DPEP2: variants seen among roughly 807,000 people sequenced by gnomAD.
DPEP2 encodes the protein dipeptidase 2.
DPEP2 carries 45 observed loss-of-function variants against 51.8 expected under a neutral mutation model. The observed-to-expected ratio is 0.87, with a 90% confidence interval of 0.68 to 1.11. The LOEUF is 1.11. Ranked by LOEUF, DPEP2 falls within the 50% of genes most tolerant of loss-of-function variation. The pLI is 0.00. For missense variants in DPEP2, 604 were observed against 631.9 expected (o/e 0.96, Z 0.47); for synonymous variants, 255 against 262.7 (o/e 0.97, Z 0.28).
At chr16:67,992,426 A>G (rs555970931) in intron 3 of DPEP2, 84 bp downstream of exon 3, 1 of 1,535,688 alleles carries the variant, frequency 6.5e-7, no homozygotes, top group African/African-American at 1.4e-5. Flanking sequence ...TTCTCATGTG[A>G]CTAACTTGTG....
At chr16:68,000,593 C>A, upstream of DPEP2, 1 of 755,458 alleles carries the variant, frequency 1.3e-6, no homozygotes, top group Non-Finnish European at 1.6e-6. Flanking sequence ...GTCTTCCAAG[C>A]CAGAAAGCAG....
At chr16:67,994,037 CGCA>C (rs1160856133) in intron 1 of DPEP2, 1 of 985,382 alleles carries the variant, frequency 1.0e-6, no homozygotes, top group African/African-American at 1.7e-5. Flanking sequence ...GGGATGAGAG[CGCA>C]GCAAGCATCT....
At chr16:67,995,196 G>T (rs1223595764) in intron 1 of DPEP2, among the ~76,000 whole-genome samples, 4 of 151,888 alleles carry the variant, frequency 2.6e-5, no homozygotes, top group Admixed American at 2.6e-4. Context: ...TACCGCACCT[G>T]GGCTTTTTTT....
intron 2 of DPEP2, 85 bp from the exon 3 acceptor site, chr16:67,992,721 A>G: frequency 6.4e-7 from 1 of 1,553,568 alleles, no homozygotes; most frequent in East Asian, 2.3e-5. Context: ...ACATCTGGGG[A>G]TCCCCATCCC....
intron 9 of DPEP2, among the ~76,000 whole-genome samples, chr16:67,988,410 A>G (rs1598255625): frequency 7.3e-6 from 1 of 137,054 alleles, no homozygotes; most frequent in East Asian, 1.9e-4. Flanking sequence ...AGAAAGAAAG[A>G]AAGGAAAGAA....
chr16:67,991,325 T>G lies in DPEP2; in HGVS notation c.663-141A>C. 1 of 751,340 alleles carries G rather than the reference T, an allele frequency of 1.3e-6. No homozygotes were observed. Among genetic ancestry groups the G allele is most frequent in the Non-Finnish European group, 2.2e-6 (1 of 463,176 alleles). The allele number at this position is 751,340 out of a possible 1,614,324, so 46.5% of individuals were successfully genotyped here. A position where few individuals can be genotyped will look rare whatever the true frequency, so the allele number is the denominator to read the frequency against. ...ATGGGCCCTGCAAATGGGCCATGCC[T>G]GGCAGCAGGAGGGCCCTGCTGGGTC... On this transcript the variant is annotated intron_variant, in intron 5 of 10. Transcript: ENST00000393847. The surrounding 1 kb of genome is among the most constrained non-coding windows in gnomAD (Gnocchi z 5.1).
At chr16:67,996,693 T>A (rs1408267463) in intron 1 of DPEP2, among the ~76,000 whole-genome samples, 6 of 151,226 alleles carry the variant, frequency 4.0e-5, no homozygotes, top group Non-Finnish European at 8.9e-5. Context: ...ACTTTTTGCA[T>A]TTTTTTTTAA....
At chr16:67,995,323 A>C (rs896357725) in intron 1 of DPEP2, among the ~76,000 whole-genome samples, 2 of 152,096 alleles carry the variant, frequency 1.3e-5, no homozygotes, top group Non-Finnish European at 2.9e-5. Context: ...CTGGGAGTAT[A>C]GATGTGAGCC....
Position 67,992,609 on chromosome 16 carries a change from C to T in DPEP2, c.291G>A (p.Arg97=). The change falls in exon 3 of 11, where the codon AGG becomes AGA. Residue 97 remains arginine, a synonymous_variant. Transcript: ENST00000393847. ...DGHNDLPLVL[R]QVYQKGLQDV... ...CCTGTAGCCCTTTCTGGTAAACCTG[C>T]CTTAGGACCAGGGGCAGGTCGTTGT... is the stretch of plus-strand genomic sequence containing the variant. 6.2e-7 allele frequency: 1 copy of T among 1,614,078 alleles called. No homozygotes were observed.
chr16:67,990,663 C>T (rs1421426167), intron 7 of DPEP2, among the ~76,000 whole-genome samples, 158 bp downstream of exon 7: 1 of 152,138 alleles, frequency 6.6e-6, no homozygotes, highest in Non-Finnish European at 1.5e-5. Context: ...GGGGTTTCCC[C>T]ATGTTGGCCA....
intron 2 of DPEP2, 133 bp downstream of exon 2, chr16:67,992,817 C>A: frequency 6.8e-7 from 1 of 1,478,118 alleles, no homozygotes; most frequent in South Asian, 1.3e-5. Context: ...GGAAAGGGTA[C>A]CCATGCATGA....
At position 67,993,016 on chromosome 16, in the gene DPEP2, C is replaced by T. The variant is rs1004055130; in HGVS notation, c.197G>A (p.Ser66Asn). ...GTYAPSTTLS[S>N]PSTQGLQEQA... is the part of the protein sequence containing the mutation. ...CTCTTGCAGGCCCTGGGTGCTGGGA[C>T]TACTGAGTGTGGTCGAGGGAGCGTA... Residue 66 changes from serine (S) to asparagine (N), a missense_variant, in exon 2 of 11, where the codon AGT becomes AAT. Ser to Asn is a conservative substitution (Grantham distance 46). Coordinates refer to ENST00000393847, the MANE Select transcript of DPEP2 (RefSeq NM_022355.4). 2 of 1,604,960 alleles carry T rather than the reference C, an allele frequency of 1.2e-6. No homozygotes were observed.
In DPEP2 at chr16:67,992,067, T is replaced by C; in HGVS notation, c.517A>G (p.Lys173Glu). 1 of 1,614,144 alleles carries C rather than the reference T, an allele frequency of 6.2e-7. No homozygotes were observed. Among genetic ancestry groups the C allele is most frequent in the Non-Finnish European group, 8.5e-7 (1 of 1,180,014 alleles). The part of the protein sequence containing the change: ...YSELELVTSA[K>E]ALNDTQKLAC... ...CGCTTCCCATCAACTTGCCTACCTT[T>C]AGCCGAGGTCACAAGCTCCAGCTCA... The change falls in exon 4 of 11, where the codon AAA becomes GAA. Residue 173 changes from lysine (K) to glutamate (E), a missense_variant. Coordinates refer to ENST00000393847, the MANE Select transcript of DPEP2 (RefSeq NM_022355.4).
At position 67,992,156 on chromosome 16, in the gene DPEP2, C is replaced by G; in HGVS notation, c.428G>C (p.Arg143Pro). ...CTCCAGGGTGAGGCGCAGGGCATCC[C>G]GGTCCTGGGTCTGGCATGGCACATA... is the stretch of plus-strand genomic sequence containing the variant. ...SAYVPCQTQD[R>P]DALRLTLEQI... is the part of the protein sequence containing the mutation. The change falls in exon 4 of 11, where the codon CGG becomes CCG. Residue 143 changes from arginine to proline, a missense_variant. Coordinates refer to ENST00000393847, the MANE Select transcript of DPEP2 (RefSeq NM_022355.4). 6.2e-7 allele frequency: 1 copy of G among 1,614,156 alleles called. No homozygotes were observed. The highest frequency in any genetic ancestry group is 8.5e-7 in the Non-Finnish European group (1 of 1,180,016).
Position 67,991,849 on chromosome 16 carries a change from G to T in DPEP2, c.651C>A (p.Cys217Ter), listed in dbSNP as rs748681048. ...TGCACTAGGCTCACCAGGGTGTGTT[G>T]CAGGTGTGGGTGAGCGTCAGGTAGC... ...GVRYLTLTHTCNTPWAESSAK... is the reference protein window; with the variant it reads ...GVRYLTLTHT The change falls in exon 5 of 11, where the codon TGC becomes TGA. Residue 217 changes from cysteine to a stop codon, truncating the protein, a stop_gained. Coordinates refer to ENST00000393847, the MANE Select transcript of DPEP2 (RefSeq NM_022355.4). LOFTEE classifies it high-confidence loss of function. This position sits in a 1 kb window ranked among gnomAD's most constrained non-coding sequence, Gnocchi z 5.1. 1.5e-5 allele frequency: 24 copies of T among 1,614,126 alleles called. No homozygotes were observed. Among genetic ancestry groups the T allele is most frequent in the Non-Finnish European group, 1.4e-5 (16 of 1,180,008 alleles).
intron 3 of DPEP2, 42 bp from the exon 4 acceptor site, chr16:67,992,235 TG>T: frequency 6.2e-7 from 1 of 1,605,408 alleles, no homozygotes; most frequent in African/African-American, 1.3e-5. Context: ...GGGGCTGCTT[TG>T]GAGGACCCTG....
At chr16:67,998,659 G>C (rs928449945) in intron 1 of DPEP2, among the ~76,000 whole-genome samples, 1 of 152,246 alleles carries the variant, frequency 6.6e-6, no homozygotes, top group African/African-American at 2.4e-5. Context: ...GGATCCACTG[G>C]GTGAAGCCAG....
chr16:67,997,238 G>A (rs776079109), intron 1 of DPEP2, among the ~76,000 whole-genome samples: 11 of 151,390 alleles, frequency 7.3e-5, no homozygotes, highest in Non-Finnish European at 8.8e-5. Context: ...TTGCCATGTT[G>A]GCCAGGCTGG....
intron 9 of DPEP2, among the ~76,000 whole-genome samples, chr16:67,988,373 A>T (rs998132879): frequency 2.6e-5 from 4 of 151,340 alleles, no homozygotes; most frequent in African/African-American, 4.9e-5. Context: ...GGTGAAACCC[A>T]ATCTCTACTA....
Sources: gnomAD v4.1 joint callset for allele counts (sites outside exome capture counted in the v4.1 genomes callset) on GRCh38, gnomAD v4.1.1 for gene constraint, Gnocchi (gnomAD v3.1) non-coding constraint, MANE v1.5 for transcripts, NCBI Gene and HGNC (gene_info 2026-07-23, HGNC 2026-07-21) for gene names.